Variants in TRIO observed in about 807,000 individuals in gnomAD.
TRIO encodes triple functional domain protein.
Under a neutral mutation model 351.9 loss-of-function variants are expected in TRIO, and 58 were observed. That is an observed-to-expected ratio of 0.16 (90% CI 0.13 to 0.21). TRIO has a LOEUF of 0.21. Among genes scored for constraint, TRIO ranks in the 10% least tolerant of loss-of-function variants. TRIO has a pLI of 1.00. For synonymous variants in TRIO, 1,758 were observed against 1,595.7 expected (o/e 1.10, Z -2.42); for missense variants, 3,201 against 4,027.8 (o/e 0.79, Z 5.56).
intron 41 of TRIO, among the ~76,000 whole-genome samples, chr5:14,477,706 C>CTA (rs1755188764): frequency 6.6e-6 from 1 of 152,166 alleles, no homozygotes; most frequent in Non-Finnish European, 1.5e-5. Context: ...ATACATTGAA[C>CTA]TATTGGGCTT....
At chr5:14,252,308 C>T (rs1392523174) in intron 1 of TRIO, among the ~76,000 whole-genome samples, 15 of 152,326 alleles carry the variant, frequency 9.8e-5, no homozygotes, top group Admixed American at 3.3e-4. Context: ...GTGGCCTCAC[C>T]GAGCACCTGG....
At chr5:14,300,356 T>A (rs951152943) in intron 7 of TRIO, among the ~76,000 whole-genome samples, 1 of 152,242 alleles carries the variant, frequency 6.6e-6, no homozygotes, top group African/African-American at 2.4e-5. Flanking sequence ...TACTCAGAGT[T>A]AAATAGCAAG....
At chr5:14,274,947 G>T (rs1417424616) in intron 2 of TRIO, among the ~76,000 whole-genome samples, 1 of 152,184 alleles carries the variant, frequency 6.6e-6, no homozygotes, top group Non-Finnish European at 1.5e-5. Context: ...TCTCTAAAGA[G>T]CCCTGGTTCC....
chr5:14,351,743 T>C (rs1743143159), intron 11 of TRIO, among the ~76,000 whole-genome samples: 1 of 152,144 alleles, frequency 6.6e-6, no homozygotes, highest in Admixed American at 6.5e-5. Flanking sequence ...GGCCCCTCCT[T>C]CCATACCCCA....
At chr5:14,188,790 G>A (rs26290) in intron 1 of TRIO, among the ~76,000 whole-genome samples, 8,947 of 152,112 alleles carry the variant, frequency 0.059, 343 homozygotes, top group African/African-American at 0.1. Context: ...GGTTTGTCCC[G>A]CGCATTGAAT....
At chr5:14,146,017 G>C (rs1019294826) in intron 1 of TRIO, among the ~76,000 whole-genome samples, 1 of 152,216 alleles carries the variant, frequency 6.6e-6, no homozygotes, top group Non-Finnish European at 1.5e-5. Flanking sequence ...CAGAACTTAA[G>C]TAGGTATCAG....
At chr5:14,378,273 A>G in intron 20 of TRIO, 146 bp downstream of exon 20, 1 of 581,400 alleles carries the variant, frequency 1.7e-6, no homozygotes, top group Non-Finnish European at 3.0e-6. Flanking sequence ...GTTTGTTATA[A>G]AAAGAAAACC....
intron 3 of TRIO, among the ~76,000 whole-genome samples, chr5:14,280,961 A>G (rs1735941953): frequency 6.6e-6 from 1 of 152,240 alleles, no homozygotes; most frequent in South Asian, 2.1e-4. Flanking sequence ...TAGATGCCAA[A>G]GAACACCAAG....
At chr5:14,330,684 T>G in intron 9 of TRIO, 94 bp from the exon 10 acceptor site, 2 of 1,415,454 alleles carry the variant, frequency 1.4e-6, no homozygotes, top group Non-Finnish European at 1.9e-6. Flanking sequence ...CTTACAGAGT[T>G]TTAACAACAG....
chr5:14,507,307 TTGGCCA>T, intron 56 of TRIO, 47 bp downstream of exon 56: 1 of 1,603,702 alleles, frequency 6.2e-7, no homozygotes, highest in Non-Finnish European at 8.5e-7. Flanking sequence ...GCACACCGGC[TTGGCCA>T]TGCGGGACAC....
chr5:14,147,581 C>A (rs140538250), intron 1 of TRIO, among the ~76,000 whole-genome samples: 2 of 152,162 alleles, frequency 1.3e-5, no homozygotes, highest in Admixed American at 1.3e-4. Flanking sequence ...CACGTCCTGT[C>A]GTGCTTGGTT....
chr5:14,230,119 G>A (rs2152220213), intron 1 of TRIO, among the ~76,000 whole-genome samples: 1 of 152,300 alleles, frequency 6.6e-6, no homozygotes, highest in East Asian at 1.9e-4. Context: ...TATATTATGA[G>A]CCACTTTGCC....
chr5:14,402,603 ATGG>A (rs1190942285), intron 31 of TRIO, among the ~76,000 whole-genome samples: 8 of 144,088 alleles, frequency 5.6e-5, no homozygotes, highest in African/African-American at 1.0e-4. Flanking sequence ...GAGGGTGGAG[ATGG>A]TGGTGGTATG....
At chr5:14,365,663 C>T (rs72748212) in intron 15 of TRIO, among the ~76,000 whole-genome samples, 9,408 of 152,282 alleles carry the variant, frequency 0.062, 382 homozygotes, top group Middle Eastern at 0.11. Flanking sequence ...AAATGTATCC[C>T]TTAGGATTCA....
chr5:14,488,992 C>T (rs1366855424), intron 48 of TRIO: 2 of 764,972 alleles, frequency 2.6e-6, no homozygotes, highest in African/African-American at 3.4e-5. Flanking sequence ...CCCTCTGTTT[C>T]CTGCTTCCTC....
chr5:14,296,950 C>T (rs1376505432), intron 6 of TRIO, 122 bp from the exon 7 acceptor site: 3 of 701,096 alleles, frequency 4.3e-6, no homozygotes, highest in Admixed American at 2.7e-5. Flanking sequence ...AGGTGATGCT[C>T]CTGGGAGAGA....
chr5:14,345,011 T>C (rs1284692545), intron 11 of TRIO, among the ~76,000 whole-genome samples: 4 of 152,134 alleles, frequency 2.6e-5, no homozygotes, highest in Non-Finnish European at 2.9e-5. Flanking sequence ...CAAATAAACA[T>C]GTATAAAGCA....
chr5:14,247,905 A>C (rs1300168348), intron 1 of TRIO, among the ~76,000 whole-genome samples: 2 of 152,010 alleles, frequency 1.3e-5, no homozygotes, highest in African/African-American at 4.8e-5. Flanking sequence ...ATCTCTACTA[A>C]ACATACAAAA....
At position 14,364,577 on chromosome 5, in the gene TRIO, G is replaced by A; in HGVS notation, c.2588-73G>A. ...CAGATCATTCACAAAAGCAGATTTT[G>A]TGCCATCCACCCTTTGAGAACAGAA... On this transcript the variant is annotated intron_variant, in intron 14 of 56. Transcript: ENST00000344204. 6 of 1,519,732 alleles carry A rather than the reference G, an allele frequency of 3.9e-6. No homozygotes were observed. The South Asian group carries it at 5.2e-5, about 13-fold the overall frequency. 94.1% of individuals were successfully genotyped at this position (1,519,732 alleles called of 1,614,324 possible). A position where few individuals can be genotyped will look rare whatever the true frequency, so the allele number is the denominator to read the frequency against.
Sources: allele counts gnomAD v4.1 joint callset (sites outside exome capture counted in the v4.1 genomes callset), GRCh38; gene constraint gnomAD v4.1.1; transcripts MANE v1.5; gene names NCBI Gene and HGNC (gene_info 2026-07-23, HGNC 2026-07-21).